Variants in GRIK1 observed in about 807,000 individuals in gnomAD.
The protein encoded by GRIK1 is glutamate ionotropic receptor kainate type subunit 1.
Under a neutral mutation model 105.7 loss-of-function variants are expected in GRIK1, and 69 were observed. The ratio of observed to expected loss-of-function variants is 0.65; its 90% CI spans 0.54 to 0.80. The LOEUF (loss-of-function observed/expected upper bound fraction) is 0.80, where lower values mean the gene tolerates loss of function less well. Among genes scored for constraint, GRIK1 ranks in the 30% least tolerant of loss-of-function variants. The pLI, the probability that GRIK1 is intolerant of heterozygous loss-of-function variation, is 0.00. For missense variants in GRIK1, 1,109 were observed against 1,167.3 expected (o/e 0.95, Z 0.73); for synonymous variants, 438 against 431.3 (o/e 1.02, Z -0.19).
intron 16 of GRIK1, among the ~76,000 whole-genome samples, chr21:29,547,900 A>G (rs2090072796): frequency 6.6e-6 from 1 of 152,240 alleles, no homozygotes; most frequent in Admixed American, 6.5e-5. Context: ...CACCGAGGAA[A>G]GATAAATACC....
chr21:29,818,042 A>T (rs1246619371), intron 1 of GRIK1, among the ~76,000 whole-genome samples: 1 of 152,024 alleles, frequency 6.6e-6, no homozygotes, highest in Non-Finnish European at 1.5e-5. Context: ...TAGGTATTCA[A>T]CTCAGGACCA....
At chr21:29,574,749 G>T (rs1035725664) in intron 14 of GRIK1, among the ~76,000 whole-genome samples, 2 of 144,046 alleles carry the variant, frequency 1.4e-5, no homozygotes, top group Admixed American at 1.4e-4. Context: ...GTGCAGTGGC[G>T]CAATCTCGGC....
In GRIK1 at chr21:29,795,027, A is replaced by ATTTTTTTT. The variant is rs1569102231; in HGVS notation, c.119-100965_119-100964insAAAAAAAA. 3.7e-4 allele frequency among the ~76,000 whole-genome samples: 30 copies of ATTTTTTTT among 82,138 alleles called. 2 individuals carry two copies. Among genetic ancestry groups the ATTTTTTTT allele is most frequent in the African/African-American group, 5.1e-4 (12 of 23,754 alleles). The allele number at this position is 82,138 out of a possible 152,430, so 53.9% of individuals were successfully genotyped here. A position where few individuals can be genotyped will look rare whatever the true frequency, so the allele number is the denominator to read the frequency against. On this transcript the variant is annotated intron_variant, in intron 1 of 17. Transcript: ENST00000327783. ...CCAAGCTTCCTGATGCTTTGCTCTA[A>ATTTTTTTT]ATTTTTTTTTTTTTTTTTTTTTTTT...
At chr21:29,656,354 C>CAAGAAAAAAAAAAAAAAA (rs2062849784) in intron 4 of GRIK1, among the ~76,000 whole-genome samples, 1 of 51,132 alleles carries the variant, frequency 2.0e-5, no homozygotes, top group Non-Finnish European at 4.6e-5. Flanking sequence ...GAGCGAGACT[C>CAAGAAAAAAAAAAAAAAA]AAAAAAAAAA....
chr21:29,681,851 T>G (rs529615344), intron 3 of GRIK1, among the ~76,000 whole-genome samples: 2 of 152,336 alleles, frequency 1.3e-5, no homozygotes, highest in East Asian at 3.9e-4. Flanking sequence ...AATGACAGAC[T>G]CTGACAGCAT....
chr21:29,649,886 G>A (rs926499426), intron 6 of GRIK1, among the ~76,000 whole-genome samples: 3 of 152,290 alleles, frequency 2.0e-5, no homozygotes, highest in Admixed American at 6.5e-5. Flanking sequence ...AGAGGATTTC[G>A]AACCATATTT....
intron 1 of GRIK1, among the ~76,000 whole-genome samples, chr21:29,787,302 T>C (rs1007960066): frequency 6.6e-6 from 1 of 152,226 alleles, no homozygotes; most frequent in Non-Finnish European, 1.5e-5. Context: ...TCTCTCCTTT[T>C]CAAAGATATT....
At chr21:29,875,115 T>C (rs1185092167) in intron 1 of GRIK1, among the ~76,000 whole-genome samples, 19 of 152,122 alleles carry the variant, frequency 1.2e-4, no homozygotes, top group Admixed American at 1.2e-3. Context: ...AGACTAGATT[T>C]ATTTTTACCT....
intron 1 of GRIK1, among the ~76,000 whole-genome samples, chr21:29,707,787 C>T (rs558142894): frequency 6.6e-6 from 1 of 152,182 alleles, no homozygotes; most frequent in African/African-American, 2.4e-5. Context: ...TGGCCTGACT[C>T]TATCCTATTT....
Position 29,766,298 on chromosome 21 carries a change from T to C in GRIK1, c.119-72235A>G, listed in dbSNP as rs1241487054. Among the ~76,000 whole-genome samples, 3 of 152,188 alleles carry C rather than the reference T, an allele frequency of 2.0e-5. No individual in the cohort carries two copies. In the East Asian group the frequency reaches 5.8e-4, roughly 29 times the overall value. ...CGATTTTATTGTCTCCACCCCTAGCTACATTTTGGCATTATCTGAAGACAT... is the reference window on the plus strand; with the variant it reads ...CGATTTTATTGTCTCCACCCCTAGCCACATTTTGGCATTATCTGAAGACAT... On this transcript the variant is annotated intron_variant, in intron 1 of 17. Transcript: ENST00000327783.
At chr21:29,806,498 G>A (rs893983768) in intron 1 of GRIK1, among the ~76,000 whole-genome samples, 9 of 151,998 alleles carry the variant, frequency 5.9e-5, no homozygotes, top group South Asian at 2.1e-4. Context: ...ATTTTAAAAC[G>A]TAATGTCATT....
intron 3 of GRIK1, among the ~76,000 whole-genome samples, chr21:29,675,501 T>C (rs2063248719): frequency 6.6e-6 from 1 of 152,248 alleles, no homozygotes; most frequent in South Asian, 2.1e-4. Flanking sequence ...TTGAATAGAA[T>C]GTCACATCTT....
intron 6 of GRIK1, among the ~76,000 whole-genome samples, chr21:29,648,582 A>G (rs1354210051): frequency 2.0e-5 from 3 of 152,202 alleles, no homozygotes; most frequent in Non-Finnish European, 2.9e-5. Context: ...GGCCTTTTCT[A>G]GTGCTGGGGA....
Position 29,560,404 on chromosome 21 carries a change from T to TTC in GRIK1, c.2356+1219_2356+1220insGA, listed in dbSNP as rs1568814290. Reference sequence around the variant, plus strand: ...TCCTTCCTTCCTTCCTTCCTTCCTTTCTTTCTTTCTTTCTTTCTTTCTTTC... The same window carrying TTC: ...TCCTTCCTTCCTTCCTTCCTTCCTTTTCCTTTCTTTCTTTCTTTCTTTCTTTC... On this transcript the variant is annotated intron_variant, in intron 15 of 17. Transcript: ENST00000327783. 5.7e-3 allele frequency among the ~76,000 whole-genome samples: 441 copies of TTC among 76,772 alleles called. 52 individuals carry two copies. Among genetic ancestry groups the TTC allele is most frequent in the African/African-American group, 0.018 (226 of 12,610 alleles). The allele number at this position is 76,772 out of a possible 152,430, so 50.4% of individuals were successfully genotyped here. A position where few individuals can be genotyped will look rare whatever the true frequency, so the allele number is the denominator to read the frequency against.
intron 5 of GRIK1, among the ~76,000 whole-genome samples, chr21:29,653,089 A>G (rs1490169980): frequency 5.9e-5 from 9 of 152,164 alleles, no homozygotes; most frequent in Non-Finnish European, 1.3e-4. Context: ...AAGAATGGTA[A>G]GAATATAAAA....
At chr21:29,713,559 G>A (rs893009348) in intron 1 of GRIK1, among the ~76,000 whole-genome samples, 3 of 151,928 alleles carry the variant, frequency 2.0e-5, no homozygotes, top group Admixed American at 6.6e-5. Context: ...AATGGGTAAC[G>A]GACCATAAAT....
At chr21:29,687,034 G>A (rs928747078) in intron 3 of GRIK1, among the ~76,000 whole-genome samples, 8 of 152,170 alleles carry the variant, frequency 5.3e-5, no homozygotes, top group African/African-American at 1.9e-4. Flanking sequence ...GAGACGAGGC[G>A]AGACGAAACT....
chr21:29,794,065 T>C (rs1280232191), intron 1 of GRIK1, among the ~76,000 whole-genome samples: 2 of 152,126 alleles, frequency 1.3e-5, no homozygotes, highest in African/African-American at 4.8e-5. Flanking sequence ...TGTGTTTTCA[T>C]AGTCCAACAA....
intron 1 of GRIK1, among the ~76,000 whole-genome samples, chr21:29,905,166 G>T (rs1451220195): frequency 1.3e-5 from 2 of 152,168 alleles, no homozygotes; most frequent in Non-Finnish European, 2.9e-5. Flanking sequence ...ATTATTTGCT[G>T]ACTGAGTGGG....
Sources: allele counts gnomAD v4.1 joint callset (sites outside exome capture counted in the v4.1 genomes callset), GRCh38; gene constraint gnomAD v4.1.1; transcripts MANE v1.5; gene names NCBI Gene and HGNC (gene_info 2026-07-23, HGNC 2026-07-21).